EPHB2: variants seen among roughly 807,000 people sequenced by gnomAD.
EPHB2 encodes EPH receptor B2.
A neutral mutation model predicts 96.4 loss-of-function variants in EPHB2; 18 were observed. The observed-to-expected ratio is 0.19, with a 90% CI of 0.13 to 0.28. The LOEUF (loss-of-function observed/expected upper bound fraction) is 0.28, where lower values mean the gene tolerates loss of function less well. EPHB2 is among the 10% of genes least tolerant of loss of function. The pLI is 1.00. For synonymous variants in EPHB2, 506 were observed against 534.1 expected, an observed-to-expected ratio of 0.95 and a Z score of 0.72; for missense variants, 989 against 1,355.4, an observed-to-expected ratio of 0.73 and a Z score of 4.25.
At chr1:22,765,430 C>A (rs971673520) in intron 1 of EPHB2, among the ~76,000 whole-genome samples, 1 of 151,680 alleles carries the variant, frequency 6.6e-6, no homozygotes, top group Non-Finnish European at 1.5e-5. Flanking sequence ...ACCTGTAATC[C>A]CAGCTACTCA....
chr1:22,886,777 C>T (rs1371046729), intron 6 of EPHB2, among the ~76,000 whole-genome samples: 2 of 151,966 alleles, frequency 1.3e-5, no homozygotes, highest in South Asian at 2.1e-4. Flanking sequence ...CAGGCATGCA[C>T]CACCATGCCC....
intron 1 of EPHB2, among the ~76,000 whole-genome samples, chr1:22,736,168 G>A (rs912000048): frequency 1.3e-5 from 2 of 152,206 alleles, no homozygotes; most frequent in African/African-American, 4.8e-5. Flanking sequence ...TCGGGGGGCT[G>A]TGGAAGAGAG....
chr1:22,751,445 A>G (rs1644061804), intron 1 of EPHB2, among the ~76,000 whole-genome samples: 1 of 152,230 alleles, frequency 6.6e-6, no homozygotes, highest in Non-Finnish European at 1.5e-5. Context: ...AGCCCAAGTC[A>G]GCATTTTGGC....
At chr1:22,750,423 G>C (rs10157808) in intron 1 of EPHB2, among the ~76,000 whole-genome samples, 11,596 of 152,252 alleles carry the variant, frequency 0.076, 498 homozygotes, top group Middle Eastern at 0.11. Flanking sequence ...CTTCTGATGT[G>C]CTTTAGTCCT....
At chr1:22,742,930 C>CAA (rs1643922288) in intron 1 of EPHB2, among the ~76,000 whole-genome samples, 1 of 151,266 alleles carries the variant, frequency 6.6e-6, no homozygotes, top group Non-Finnish European at 1.5e-5. Flanking sequence ...CATACTCTGT[C>CAA]ACTCAGGTTG....
intron 3 of EPHB2, chr1:22,836,997 T>G (rs1645395122): frequency 6.6e-6 from 1 of 152,288 alleles, no homozygotes; most frequent in African/African-American, 2.4e-5. Context: ...AAGAGGGCCT[T>G]TGTGGTTCCA....
At chr1:22,898,118 CAA>C (rs61075593) in intron 9 of EPHB2, among the ~76,000 whole-genome samples, 1,816 of 63,668 alleles carry the variant, frequency 0.029, 22 homozygotes, top group African/African-American at 0.065. Flanking sequence ...GACCCAGTCT[CAA>C]AAAAAAAAAA....
chr1:22,864,150 G>A (rs7536616), intron 4 of EPHB2, among the ~76,000 whole-genome samples: 109,345 of 151,154 alleles, frequency 0.72, 42,498 homozygotes, highest in Non-Finnish European at 0.89. Context: ...GGTTCAAGTG[G>A]TTCTCCCACC....
intron 3 of EPHB2, among the ~76,000 whole-genome samples, chr1:22,827,200 G>A (rs1645237001): frequency 6.6e-6 from 1 of 152,228 alleles, no homozygotes. Context: ...CACCTGCAGA[G>A]AGCCCTCCCT....
chr1:22,801,195 C>T (rs182378706), intron 3 of EPHB2, among the ~76,000 whole-genome samples: 2 of 152,200 alleles, frequency 1.3e-5, no homozygotes, highest in Non-Finnish European at 2.9e-5. Context: ...AGTGGTGAAG[C>T]CCCTGCCAAG....
intron 3 of EPHB2, among the ~76,000 whole-genome samples, chr1:22,802,468 C>T (rs922582951): frequency 2.6e-5 from 4 of 152,130 alleles, no homozygotes; most frequent in African/African-American, 9.7e-5. Context: ...TCTGCCACCA[C>T]CAGCCACCCC....
At chr1:22,847,690 C>T (rs1557710071) in intron 3 of EPHB2, among the ~76,000 whole-genome samples, 1 of 152,124 alleles carries the variant, frequency 6.6e-6, no homozygotes, top group Non-Finnish European at 1.5e-5. Flanking sequence ...CCCTGGCTTC[C>T]CTGCTCTTGG....
chr1:22,842,544 G>T (rs1645485318), intron 3 of EPHB2, among the ~76,000 whole-genome samples: 1 of 152,054 alleles, frequency 6.6e-6, no homozygotes, highest in African/African-American at 2.4e-5. Context: ...AGCAGACAGA[G>T]GGAACTGTTC....
In EPHB2 at chr1:22,920,929, G is replaced by A. The variant is rs1211087528; in HGVS notation, c.*7359G>A. The A allele has an allele frequency of 3.9e-5, 6 of 152,206 alleles. No homozygotes were observed. Among genetic ancestry groups the A allele is most frequent in the Non-Finnish European group, 7.3e-5 (5 of 68,060 alleles). The allele number at this position is 152,206 out of a possible 1,614,324, so 9.4% of individuals were successfully genotyped here. On this transcript the variant is annotated 3_prime_UTR_variant, in exon 16 of 16. Transcript: ENST00000374630. ...CATTCCACAGACTAGCAAACTCAGA[G>A]ACGTGACATGGTGGCTCTCCCAGGT...
At chr1:22,766,908 T>C (rs1391496142) in intron 1 of EPHB2, among the ~76,000 whole-genome samples, 1 of 152,208 alleles carries the variant, frequency 6.6e-6, no homozygotes, top group East Asian at 1.9e-4. Context: ...ATGAACTGAC[T>C]GGGCAGGGCA....
Position 22,917,536 on chromosome 1 carries a change from G to A in EPHB2, c.*3966G>A, listed in dbSNP as rs984091625. 3 of 152,248 alleles carry A rather than the reference G, an allele frequency of 2.0e-5. No individual in the cohort carries two copies. Among genetic ancestry groups the A allele is most frequent in the Non-Finnish European group, 4.4e-5 (3 of 68,058 alleles). 9.4% of individuals were successfully genotyped at this position (152,248 alleles called of 1,614,324 possible). On this transcript the variant is annotated 3_prime_UTR_variant, in exon 16 of 16. Coordinates refer to ENST00000374630, the MANE Select transcript of EPHB2 (RefSeq NM_017449.5). ...TCCTGTCACTAGGGATGTGAATCTG[G>A]GGAGACACTTCCCCTCACTGAGCCA...
At chr1:22,882,898 C>T (rs941382056) in intron 6 of EPHB2, 2 of 296,706 alleles carry the variant, frequency 6.7e-6, no homozygotes, top group Non-Finnish European at 1.3e-5. Context: ...AAGAGAGCTT[C>T]CGCCTGCCCT....
At chr1:22,818,154 C>T (rs1048590847) in intron 3 of EPHB2, among the ~76,000 whole-genome samples, 4 of 152,142 alleles carry the variant, frequency 2.6e-5, no homozygotes, top group Non-Finnish European at 5.9e-5. Context: ...TGCCAGACCA[C>T]GTGGTCCACC....
chr1:22,729,926 C>T (rs1482571083), intron 1 of EPHB2, among the ~76,000 whole-genome samples: 5 of 152,176 alleles, frequency 3.3e-5, no homozygotes, highest in South Asian at 2.1e-4. Flanking sequence ...AATGAATGCA[C>T]GGCTCTCAGA....
Sources: gnomAD v4.1 joint callset for allele counts (sites outside exome capture counted in the v4.1 genomes callset) on GRCh38, gnomAD v4.1.1 for gene constraint, MANE v1.5 for transcripts, NCBI Gene and HGNC (gene_info 2026-07-23, HGNC 2026-07-21) for gene names.